Variants in BCR observed in about 807,000 individuals in gnomAD.
BCR encodes breakpoint cluster region protein.
A neutral mutation model predicts 138.6 loss-of-function variants in BCR; 58 were observed. The observed-to-expected ratio is 0.42, with a 90% CI of 0.34 to 0.52. The LOEUF is 0.52. Among genes scored for constraint, BCR ranks in the 20% least tolerant of loss-of-function variants. The pLI, the probability that BCR is intolerant of heterozygous loss-of-function variation, is 0.06. For missense variants in BCR, 1,599 were observed against 1,727.2 expected, an observed-to-expected ratio of 0.93 and a Z score of 1.32; for synonymous variants, 786 against 730.1, an observed-to-expected ratio of 1.08 and a Z score of -1.23.
chr22:23,254,575 C>CG (rs759515110), intron 2 of BCR: 5 of 518,814 alleles, frequency 9.6e-6, no homozygotes, highest in Admixed American at 5.8e-5. Flanking sequence ...CCACGCCCCC[C>CG]CTCACATGAG....
At chr22:23,269,761 T>G (rs936499324) in intron 5 of BCR, among the ~76,000 whole-genome samples, 2 of 152,176 alleles carry the variant, frequency 1.3e-5, no homozygotes, top group Non-Finnish European at 2.9e-5. Context: ...CCCCCACAGC[T>G]GGAATGGTGG....
At chr22:23,293,664 G>A (rs2073814311) in intron 15 of BCR, among the ~76,000 whole-genome samples, 1 of 152,030 alleles carries the variant, frequency 6.6e-6, no homozygotes, top group Non-Finnish European at 1.5e-5. Flanking sequence ...GTGTGCAAAA[G>A]GTTCAGGTGC....
At position 23,181,703 on chromosome 22, in the gene BCR, A is replaced by T; in HGVS notation, c.743A>T (p.Asp248Val). 1 of 1,604,412 alleles carries T rather than the reference A, an allele frequency of 6.2e-7. No individual in the cohort carries two copies. The highest frequency in any genetic ancestry group is 1.1e-5 in the South Asian group (1 of 91,072). Residue 248 changes from aspartate to valine, a missense_variant, in exon 1 of 23, where the codon GAC becomes GTC. Asp to Val is a radical substitution (Grantham distance 152). Coordinates refer to ENST00000305877, the MANE Select transcript of BCR (RefSeq NM_004327.4). ...TGCGGCGTCGACGGCGACTACGAGGACGCCGAGTTGAACCCCCGCTTCCTG... is the reference window on the plus strand; with the variant it reads ...TGCGGCGTCGACGGCGACTACGAGGTCGCCGAGTTGAACCCCCGCTTCCTG... ...SSCGVDGDYE[D>V]AELNPRFLKD...
At chr22:23,276,489 G>C (rs2073578215) in intron 8 of BCR, among the ~76,000 whole-genome samples, 1 of 152,232 alleles carries the variant, frequency 6.6e-6, no homozygotes, top group African/African-American at 2.4e-5. Context: ...CCCTGGTGGA[G>C]GGGCACTTGC....
intron 20 of BCR, 114 bp from the exon 21 acceptor site, chr22:23,313,854 T>G: frequency 1.1e-6 from 1 of 876,848 alleles, no homozygotes; most frequent in Non-Finnish European, 1.9e-6. Context: ...AGACTGAGGA[T>G]GATGACGAGC....
At chr22:23,253,624 C>G (rs1056768238) in intron 1 of BCR, among the ~76,000 whole-genome samples, 175 bp from the exon 2 acceptor site, 13 of 152,190 alleles carry the variant, frequency 8.5e-5, no homozygotes, top group Non-Finnish European at 1.9e-4. Flanking sequence ...GTTCATCCCC[C>G]CTCACCTTGT....
At position 23,196,113 on chromosome 22, in the gene BCR, G is replaced by A. The variant is rs112462271; in HGVS notation, c.1279+13874G>A. On this transcript the variant is annotated intron_variant, in intron 1 of 22. Coordinates refer to ENST00000305877, the MANE Select transcript of BCR (RefSeq NM_004327.4). ...TAGTAAAATACACATACTCTAAAAT[G>A]TACCATCTCAACCACTTCTCAGTGT... 6.3e-3 allele frequency among the ~76,000 whole-genome samples: 955 copies of A among 152,210 alleles called. 10 individuals carry two copies. Among genetic ancestry groups the A allele is most frequent in the African/African-American group, 0.021 (886 of 41,532 alleles).
At chr22:23,239,515 C>CT (rs1459157951) in intron 1 of BCR, among the ~76,000 whole-genome samples, 5 of 152,304 alleles carry the variant, frequency 3.3e-5, no homozygotes, top group Admixed American at 2.6e-4. Context: ...GTCTGCCACT[C>CT]TGAGTCTGGA....
At chr22:23,291,673 C>G (rs535110988) in intron 14 of BCR, among the ~76,000 whole-genome samples, 1 of 152,252 alleles carries the variant, frequency 6.6e-6, no homozygotes, top group African/African-American at 2.4e-5. Context: ...AACCTTGCAT[C>G]CCCAAACCAA....
At chr22:23,222,162 T>C (rs1276638426) in intron 1 of BCR, among the ~76,000 whole-genome samples, 1 of 152,222 alleles carries the variant, frequency 6.6e-6, no homozygotes, top group African/African-American at 2.4e-5. Context: ...TTGGTCTCCC[T>C]GTGGAGCAAG....
At chr22:23,227,758 G>A (rs980098832) in intron 1 of BCR, among the ~76,000 whole-genome samples, 13 of 152,198 alleles carry the variant, frequency 8.5e-5, no homozygotes, top group African/African-American at 2.9e-4. Flanking sequence ...ATGAGTTATT[G>A]GAGATTCAGT....
intron 2 of BCR, 171 bp from the exon 3 acceptor site, chr22:23,260,779 G>A (rs2073347549): frequency 1.6e-6 from 1 of 636,792 alleles, no homozygotes; most frequent in Admixed American, 2.2e-5. Flanking sequence ...GTGAGTGTGT[G>A]GCTTAGTATG....
At chr22:23,242,149 G>A (rs1410863767) in intron 1 of BCR, among the ~76,000 whole-genome samples, 2 of 152,190 alleles carry the variant, frequency 1.3e-5, no homozygotes, top group Non-Finnish European at 1.5e-5. Flanking sequence ...ACAAGTGGCC[G>A]AAGCAAGATG....
chr22:23,280,105 C>G (rs1267864964), intron 8 of BCR, among the ~76,000 whole-genome samples: 1 of 152,238 alleles, frequency 6.6e-6, no homozygotes, highest in Non-Finnish European at 1.5e-5. Flanking sequence ...GCCCCACCTC[C>G]AGATACCAGC....
chr22:23,181,463 C>A lies in BCR; in HGVS notation c.503C>A (p.Pro168His). The A allele has an allele frequency of 6.2e-7, 1 of 1,608,622 alleles. No individual in the cohort carries two copies. The change falls in exon 1 of 23, where the codon CCC (proline) becomes CAC (histidine). Residue 168 changes from proline (P) to histidine (H), a missense_variant. Physicochemically the swap from Pro to His is moderately conservative, Grantham distance 77. This residue lies in a region of BCR where 806 missense variants were observed against 635.0 expected (regional missense o/e 1.27). Transcript: ENST00000305877. ...FERIRKGHGQ[P>H]GADAEKPFYV... Reference sequence around the variant, plus strand: ...CGGATCCGCAAGGGCCATGGCCAGCCCGGGGCGGACGCCGAGAAGCCCTTC... The same window carrying A: ...CGGATCCGCAAGGGCCATGGCCAGCACGGGGCGGACGCCGAGAAGCCCTTC...
chr22:23,279,705 C>A (rs990515975), intron 8 of BCR, among the ~76,000 whole-genome samples: 3 of 152,264 alleles, frequency 2.0e-5, no homozygotes, highest in African/African-American at 7.2e-5. Flanking sequence ...CCAGTCAAGG[C>A]CCTGCTGATT....
At chr22:23,201,940 G>C (rs1259956620) in intron 1 of BCR, among the ~76,000 whole-genome samples, 1 of 152,182 alleles carries the variant, frequency 6.6e-6, no homozygotes, top group African/African-American at 2.4e-5. Context: ...TAATTTTCTT[G>C]CCAACTTTTG....
intron 16 of BCR, among the ~76,000 whole-genome samples, chr22:23,295,942 C>G (rs1276155688): frequency 2.6e-5 from 4 of 152,148 alleles, no homozygotes; most frequent in Non-Finnish European, 4.4e-5. Context: ...ACAGCTCTCT[C>G]TTCCCAGGAC....
intron 4 of BCR, chr22:23,263,600 A>G: frequency 1.3e-6 from 2 of 1,532,820 alleles, no homozygotes; most frequent in Non-Finnish European, 1.8e-6. Context: ...TCTGCTGGGC[A>G]TGATGAGGAC....
Sources: gnomAD v4.1 joint callset for allele counts (sites outside exome capture counted in the v4.1 genomes callset) on GRCh38, gnomAD v4.1.1 for gene constraint, gnomAD v4.1.1 regional missense constraint, MANE v1.5 for transcripts, NCBI Gene and HGNC (gene_info 2026-07-23, HGNC 2026-07-21) for gene names.